ZNF492: variants seen among roughly 807,000 people sequenced by gnomAD.
The protein encoded by ZNF492 is zinc finger protein 115 (Y20).
A neutral mutation model predicts 6.4 loss-of-function variants in ZNF492; 3 were observed. The ratio of observed to expected loss-of-function variants is 0.47; its 90% confidence interval spans 0.21 to 1.22. The LOEUF (loss-of-function observed/expected upper bound fraction) is 1.22. ZNF492 is among the 50% of genes most tolerant of loss of function. The pLI is 0.22. For missense variants in ZNF492, 356 were observed against 612.5 expected (o/e 0.58, Z 4.42); for synonymous variants, 112 against 205.3 (o/e 0.55, Z 3.89).
chr19:22,654,653 G>C (rs1208648412), intron 3 of ZNF492, among the ~76,000 whole-genome samples: 1 of 149,208 alleles, frequency 6.7e-6, no homozygotes, highest in Non-Finnish European at 1.5e-5. Context: ...CCAGGCTGGA[G>C]TGCAGTGTCA....
rs1046006537 is a variant in ZNF492, at chr19:22,664,035, T to C, written c.366T>C (p.Phe122=). 2.1e-5 allele frequency: 33 copies of C among 1,605,462 alleles called. No homozygotes were observed. Among genetic ancestry groups the C allele is most frequent in the Non-Finnish European group, 2.5e-5 (29 of 1,175,734 alleles). The change falls in exon 4 of 4, where the codon TTT becomes TTC. Residue 122 remains phenylalanine, a synonymous_variant. Transcript: ENST00000456783. ...IFQCDKYVKV[F]HKFSNSNRHT... is the part of the protein sequence containing the mutation. ...AATGTGACAAATATGTGAAAGTCTTTCATAAATTTTCAAATTCAAACAGAC... is the reference window on the plus strand; with the variant it reads ...AATGTGACAAATATGTGAAAGTCTTCCATAAATTTTCAAATTCAAACAGAC...
chr19:22,634,609 C>CAGCCT (rs1347210187), intron 1 of ZNF492, 135 bp downstream of exon 1: 3 of 974,246 alleles, frequency 3.1e-6, no homozygotes, highest in African/African-American at 3.4e-5. Flanking sequence ...TTGCCCAGCC[C>CAGCCT]AGCCTCAGTC....
At chr19:22,641,695 G>A (rs1256911712) in intron 1 of ZNF492, among the ~76,000 whole-genome samples, 2 of 152,140 alleles carry the variant, frequency 1.3e-5, no homozygotes, top group Admixed American at 6.5e-5. Context: ...GTGCCCACGG[G>A]TGTTGTAGTC....
intron 3 of ZNF492, among the ~76,000 whole-genome samples, chr19:22,662,305 T>C (rs1169635005): frequency 1.3e-5 from 2 of 152,248 alleles, no homozygotes; most frequent in African/African-American, 2.4e-5. Flanking sequence ...AGTGTATACA[T>C]GCCACATTTT....
chr19:22,657,414 A>G (rs1325634618), intron 3 of ZNF492, among the ~76,000 whole-genome samples: 3 of 152,146 alleles, frequency 2.0e-5, no homozygotes, highest in Non-Finnish European at 4.4e-5. Context: ...AATAGCATAT[A>G]TTTAAAACTT....
In ZNF492 at chr19:22,667,141, T is replaced by C. The variant is rs1272273579; in HGVS notation, c.*1876T>C. On this transcript the variant is annotated 3_prime_UTR_variant, in exon 4 of 4. Transcript: ENST00000456783. Reference sequence around the variant, plus strand: ...TACTCGGGAGGCTGAGGCAGGAGAATCACTTGAACCCGGGAAGCAGAGGTT... The same window carrying C: ...TACTCGGGAGGCTGAGGCAGGAGAACCACTTGAACCCGGGAAGCAGAGGTT... 1.3e-5 allele frequency: 2 copies of C among 152,196 alleles called. No individual in the cohort carries two copies. Among genetic ancestry groups the C allele is most frequent in the Non-Finnish European group, 2.9e-5 (2 of 68,070 alleles). 9.4% of individuals were successfully genotyped at this position (152,196 alleles called of 1,614,324 possible). A position where few individuals can be genotyped will look rare whatever the true frequency, so the allele number is the denominator to read the frequency against.
rs1006271539 is a variant in ZNF492 at position 22,652,770 on chromosome 19, A to G, written c.-93-537A>G. ...AATTTTTTGTATTTTTAGTAGAGAC[A>G]GGGTTTCACCGTGTTAGCCAGGATA... On this transcript the variant is annotated intron_variant, in intron 1 of 3. Transcript: ENST00000456783. Among the ~76,000 whole-genome samples the G allele has an allele frequency of 1.2e-3, 187 of 152,060 alleles. 2 individuals carry two copies. Among genetic ancestry groups the G allele is most frequent in the African/African-American group, 4.3e-3 (179 of 41,428 alleles).
intron 3 of ZNF492, among the ~76,000 whole-genome samples, chr19:22,663,194 C>A (rs1046446420): frequency 5.9e-5 from 9 of 151,912 alleles, no homozygotes; most frequent in Admixed American, 1.3e-4. Context: ...AATAGGGAAT[C>A]CTTTCCCCAT....
intron 3 of ZNF492, among the ~76,000 whole-genome samples, chr19:22,661,966 A>G (rs1473638483): frequency 2.0e-5 from 3 of 152,004 alleles, no homozygotes; most frequent in Admixed American, 1.3e-4. Context: ...CTGCTGTAAA[A>G]CTTACCTTTC....
intron 1 of ZNF492, among the ~76,000 whole-genome samples, chr19:22,635,326 A>G (rs888713758): frequency 2.6e-5 from 4 of 152,168 alleles, no homozygotes; most frequent in African/African-American, 7.2e-5. Context: ...CCATTTCTCC[A>G]GCTTAACTCT....
At chr19:22,648,436 G>A (rs1249802421) in intron 1 of ZNF492, among the ~76,000 whole-genome samples, 1 of 152,186 alleles carries the variant, frequency 6.6e-6, no homozygotes, top group Non-Finnish European at 1.5e-5. Flanking sequence ...ATTTGGGGTG[G>A]TGAGTTCTGT....
intron 3 of ZNF492, among the ~76,000 whole-genome samples, chr19:22,662,206 A>G (rs1972066237): frequency 6.6e-6 from 1 of 152,068 alleles, no homozygotes; most frequent in Non-Finnish European, 1.5e-5. Context: ...TCCTTGTGAT[A>G]GTGTGCTCAG....
intron 3 of ZNF492, among the ~76,000 whole-genome samples, chr19:22,654,428 G>T (rs66620859): frequency 0.19 from 29,280 of 151,562 alleles, 3,686 homozygotes; most frequent in African/African-American, 0.36. Flanking sequence ...TGTTCCATTG[G>T]TTTCTTTATT....
intron 3 of ZNF492, among the ~76,000 whole-genome samples, chr19:22,655,734 G>A (rs962674924): frequency 7.2e-6 from 1 of 138,608 alleles, no homozygotes; most frequent in Non-Finnish European, 1.5e-5. Flanking sequence ...TAAAATAGAA[G>A]CGTTGAGAAT....
intron 3 of ZNF492, among the ~76,000 whole-genome samples, chr19:22,660,965 T>G (rs571808259): frequency 5.2e-4 from 79 of 151,978 alleles, no homozygotes; most frequent in African/African-American, 1.9e-3. Flanking sequence ...ATCTTTCTGA[T>G]CTGCAGAATT....
Position 22,664,092 on chromosome 19 carries a change from C to A in ZNF492, c.423C>A (p.Phe141Leu). Reference sequence around the variant, plus strand: ...TAAGACATACTGGAAAGAAATCTTTCAAATGTAAAGAATGTGAAAAGTCAT... The same window carrying A: ...TAAGACATACTGGAAAGAAATCTTTAAAATGTAAAGAATGTGAAAAGTCAT... ...HTIRHTGKKS[F>L]KCKECEKSFC... Residue 141 changes from phenylalanine (F) to leucine (L), a missense_variant, in exon 4 of 4, where the codon TTC becomes TTA. Around this residue, in one of 7 missense-constraint regions of ZNF492, gnomAD observed 196 missense variants for 219.4 expected, o/e 0.89. Transcript: ENST00000456783. 1.2e-6 allele frequency: 2 copies of A among 1,604,934 alleles called. No homozygotes were observed.
intron 1 of ZNF492, among the ~76,000 whole-genome samples, chr19:22,647,209 G>A (rs1971887340): frequency 6.7e-6 from 1 of 150,134 alleles, no homozygotes; most frequent in African/African-American, 2.5e-5. Context: ...GTTTTTTGAT[G>A]TGCTGCTGGA....
Position 22,653,302 on chromosome 19 carries a change from T to A in ZNF492, c.-93-5T>A. ...AATATGTATGTGTGTTTGTATGTTT[T>A]TCAGGGAGTGTTGACATTTAGGGAT... On this transcript the variant is annotated splice_region_variant and splice_polypyrimidine_tract_variant and intron_variant, in intron 1 of 3. Coordinates refer to ENST00000456783, the MANE Select transcript of ZNF492 (RefSeq NM_020855.3). 1 of 1,612,094 alleles carries A rather than the reference T, an allele frequency of 6.2e-7. No individual in the cohort carries two copies.
rs201176947 is a variant in ZNF492 at position 22,663,850 on chromosome 19, A to C, written c.181A>C (p.Asn61His). 4,701 of 1,560,826 alleles carry C rather than the reference A, an allele frequency of 3.0e-3. 24 individuals carry two copies. The highest frequency in any genetic ancestry group is 3.5e-3 in the Non-Finnish European group (4,056 of 1,158,054). Residue 61 changes from asparagine (N) to histidine (H), a missense_variant, in exon 4 of 4, where the codon AAT becomes CAT. Coordinates refer to ENST00000456783, the MANE Select transcript of ZNF492 (RefSeq NM_020855.3). ...RDLWPKQGKKNYFQKVILRRY... is the reference protein window; with the variant it reads ...RDLWPKQGKKHYFQKVILRRY... ...CCTTTGGCCAAAGCAGGGCAAAAAA[A>C]ATTATTTCCAAAAAGTGATACTGAG...
Sources: gnomAD v4.1 joint callset for allele counts (sites outside exome capture counted in the v4.1 genomes callset) on GRCh38, gnomAD v4.1.1 for gene constraint, gnomAD v4.1.1 regional missense constraint, MANE v1.5 for transcripts, NCBI Gene and HGNC (gene_info 2026-07-23, HGNC 2026-07-21) for gene names.